Variants in PABPC4L observed in about 807,000 individuals in gnomAD.
The protein encoded by PABPC4L is polyadenylate-binding protein 4-like.
For missense variants in PABPC4L, 452 were observed against 451.4 expected, an observed-to-expected ratio of 1.00 and a Z score of -0.01; for synonymous variants, 169 against 164.1, an observed-to-expected ratio of 1.03 and a Z score of -0.23.
chr4:134,053,233 C>T, the PABPC4L span, among the ~76,000 whole-genome samples: 1 of 152,030 alleles, frequency 6.6e-6, no homozygotes, highest in African/African-American at 2.4e-5. Context: ...TAACAGTTTC[C>T]AGAAATGAAC....
At chr4:134,049,928 C>T in the PABPC4L span, among the ~76,000 whole-genome samples, 6 of 152,136 alleles carry the variant, frequency 3.9e-5, no homozygotes, top group Admixed American at 3.9e-4. Flanking sequence ...AGAGAAGTCA[C>T]CCTAGTATTC....
At chr4:134,187,121 G>A in the PABPC4L span, among the ~76,000 whole-genome samples, 4 of 151,940 alleles carry the variant, frequency 2.6e-5, no homozygotes, top group Non-Finnish European at 2.9e-5. Flanking sequence ...CAACCATTGC[G>A]GAAGACAGTG....
At chr4:134,006,705 CG>C in the PABPC4L span, among the ~76,000 whole-genome samples, 1 of 151,802 alleles carries the variant, frequency 6.6e-6, no homozygotes, top group Non-Finnish European at 1.5e-5. Flanking sequence ...CTTATATTTA[CG>C]AGTCTATTTT....
At chr4:133,994,371 G>C in the PABPC4L span, among the ~76,000 whole-genome samples, 2 of 152,064 alleles carry the variant, frequency 1.3e-5, no homozygotes, top group African/African-American at 2.4e-5. Flanking sequence ...TATTAGAAAG[G>C]GGTCTACAGA....
chr4:134,146,009 T>C, the PABPC4L span, among the ~76,000 whole-genome samples: 7 of 152,034 alleles, frequency 4.6e-5, no homozygotes, highest in Non-Finnish European at 1.0e-4. Flanking sequence ...GACAAGTCAG[T>C]ATCTATCCTT....
At chr4:134,153,609 T>G in the PABPC4L span, among the ~76,000 whole-genome samples, 1 of 151,938 alleles carries the variant, frequency 6.6e-6, no homozygotes, top group Non-Finnish European at 1.5e-5. Flanking sequence ...TTCAGTATTC[T>G]GTTTTGTTTA....
chr4:134,191,323 A>G, the PABPC4L span, among the ~76,000 whole-genome samples: 6 of 152,118 alleles, frequency 3.9e-5, no homozygotes, highest in Non-Finnish European at 8.8e-5. Context: ...GACTGGAACA[A>G]CAGTATATAC....
the PABPC4L span, among the ~76,000 whole-genome samples, chr4:134,011,395 A>C: frequency 2.6e-5 from 4 of 152,152 alleles, no homozygotes; most frequent in African/African-American, 9.6e-5. Flanking sequence ...GCTGAAAAAA[A>C]ATTCCAGGAA....
the PABPC4L span, among the ~76,000 whole-genome samples, chr4:133,995,386 A>C: frequency 6.6e-6 from 1 of 152,256 alleles, no homozygotes; most frequent in Admixed American, 6.5e-5. Flanking sequence ...AGTCCCCACC[A>C]GTTGACATGC....
the PABPC4L span, among the ~76,000 whole-genome samples, chr4:134,028,220 G>C: frequency 6.6e-6 from 1 of 152,082 alleles, no homozygotes; most frequent in Non-Finnish European, 1.5e-5. Context: ...TATAGTTTCA[G>C]AACAACTTTA....
At chr4:134,147,338 A>T in the PABPC4L span, among the ~76,000 whole-genome samples, 1 of 152,162 alleles carries the variant, frequency 6.6e-6, no homozygotes, top group African/African-American at 2.4e-5. Flanking sequence ...GTTTGGATTT[A>T]AAGTAAAGGC....
At chr4:134,079,026 T>G in the PABPC4L span, among the ~76,000 whole-genome samples, 1 of 138,140 alleles carries the variant, frequency 7.2e-6, no homozygotes, top group Admixed American at 7.8e-5. Context: ...GGCTGGGGTG[T>G]AGTGACCTGA....
chr4:133,955,693 G>T, the PABPC4L span, among the ~76,000 whole-genome samples: 2 of 152,128 alleles, frequency 1.3e-5, no homozygotes, highest in Admixed American at 1.3e-4. Context: ...TAAAGTACCA[G>T]CAATGGCTCA....
the PABPC4L span, among the ~76,000 whole-genome samples, chr4:134,055,746 T>C: frequency 2.0e-5 from 3 of 151,778 alleles, no homozygotes; most frequent in Non-Finnish European, 4.4e-5. Context: ...ACATTGTTTA[T>C]AAATATTCTT....
At chr4:134,071,702 A>G in the PABPC4L span, among the ~76,000 whole-genome samples, 521 of 152,282 alleles carry the variant, frequency 3.4e-3, 5 homozygotes, top group African/African-American at 0.012. Context: ...CACAAAAAAT[A>G]TGGGCAAGGT....
the PABPC4L span, among the ~76,000 whole-genome samples, chr4:133,961,381 C>T: frequency 7.6e-6 from 1 of 130,914 alleles, no homozygotes; most frequent in South Asian, 2.2e-4. Context: ...ACTAAGAATC[C>T]CTAAGCCTAG....
chr4:134,153,283 G>A, the PABPC4L span, among the ~76,000 whole-genome samples: 2 of 151,846 alleles, frequency 1.3e-5, no homozygotes, highest in Non-Finnish European at 2.9e-5. Context: ...TGCCTTCATA[G>A]TGTTTTAGTT....
the PABPC4L span, among the ~76,000 whole-genome samples, chr4:133,953,200 C>T: frequency 6.6e-6 from 1 of 152,160 alleles, no homozygotes; most frequent in East Asian, 1.9e-4. Context: ...CATCCACTTG[C>T]AGTCTTTGGA....
At chr4:134,140,225 C>T in the PABPC4L span, among the ~76,000 whole-genome samples, 17 of 151,750 alleles carry the variant, frequency 1.1e-4, no homozygotes, top group African/African-American at 2.7e-4. Context: ...TTTTAAGTAC[C>T]TTTTCCACAC....
Sources: gnomAD v4.1 joint callset for allele counts (sites outside exome capture counted in the v4.1 genomes callset) on GRCh38, gnomAD v4.1.1 for gene constraint, MANE v1.5 for transcripts, NCBI Gene and HGNC (gene_info 2026-07-23, HGNC 2026-07-21) for gene names.